ZBTB46: variants seen among roughly 807,000 people sequenced by gnomAD.
ZBTB46 encodes the protein zinc finger and BTB domain containing 46.
In ZBTB46, 8 loss-of-function variants were observed where a neutral mutation model predicts 44.1. The ratio of observed to expected loss-of-function variants is 0.18; its 90% CI spans 0.11 to 0.33. ZBTB46 has a LOEUF of 0.33. Among genes scored for constraint, ZBTB46 ranks in the 10% least tolerant of loss-of-function variants. The pLI is 1.00. For missense variants in ZBTB46, 651 were observed against 847.7 expected (o/e 0.77, Z 2.88); for synonymous variants, 409 against 382.3 (o/e 1.07, Z -0.81).
intron 1 of ZBTB46, among the ~76,000 whole-genome samples, chr20:63,816,015 CAGTGGGCGCA>C (rs2092753394): frequency 1.5e-5 from 2 of 137,210 alleles, no homozygotes; most frequent in South Asian, 2.3e-4. Context: ...GGCACAGGTG[CAGTGGGCGCA>C]GGTGGGCACA....
At chr20:63,808,884 G>T (rs1298453071) in intron 1 of ZBTB46, among the ~76,000 whole-genome samples, 1 of 150,178 alleles carries the variant, frequency 6.7e-6, no homozygotes, top group Admixed American at 6.7e-5. Flanking sequence ...GGCTGAGGCA[G>T]GAGAATGGCG....
chr20:63,802,839 G>A (rs1417833131), intron 1 of ZBTB46, among the ~76,000 whole-genome samples: 1 of 147,004 alleles, frequency 6.8e-6, no homozygotes, highest in East Asian at 2.1e-4. Context: ...GAACCGCCGC[G>A]GCCGACGACC....
chr20:63,759,526 CTTTCA>C (rs926747786), intron 3 of ZBTB46, among the ~76,000 whole-genome samples: 1 of 152,098 alleles, frequency 6.6e-6, no homozygotes, highest in Non-Finnish European at 1.5e-5. Flanking sequence ...TGCCTGGCCC[CTTTCA>C]TTTATCACTG....
At chr20:63,825,494 G>A (rs1030636578) in intron 1 of ZBTB46, among the ~76,000 whole-genome samples, 2 of 145,352 alleles carry the variant, frequency 1.4e-5, no homozygotes, top group African/African-American at 5.1e-5. Flanking sequence ...TCCCCATGCT[G>A]CACAAACAGC....
chr20:63,793,912 C>T (rs2092580973), intron 1 of ZBTB46, among the ~76,000 whole-genome samples: 2 of 152,082 alleles, frequency 1.3e-5, no homozygotes, highest in Non-Finnish European at 2.9e-5. Context: ...TCAGGCCAGG[C>T]GCGGTGGCTC....
intron 4 of ZBTB46, among the ~76,000 whole-genome samples, chr20:63,749,560 T>C (rs1279792333): frequency 6.6e-6 from 1 of 152,188 alleles, no homozygotes; most frequent in Non-Finnish European, 1.5e-5. Context: ...ATGGTCTCGA[T>C]CTCCTGACCT....
intron 1 of ZBTB46, among the ~76,000 whole-genome samples, chr20:63,807,757 A>C (rs775055667): frequency 1.3e-5 from 2 of 152,268 alleles, no homozygotes; most frequent in Non-Finnish European, 2.9e-5. Flanking sequence ...AAAACAAGCG[A>C]AGCACCCGTC....
chr20:63,786,821 T>C (rs1267970015), intron 2 of ZBTB46, among the ~76,000 whole-genome samples: 3 of 152,170 alleles, frequency 2.0e-5, no homozygotes, highest in Admixed American at 2.0e-4. Flanking sequence ...CGGATAACTT[T>C]TGTATTAGAA....
In ZBTB46 at chr20:63,745,212, C is replaced by G. The variant is rs897209622; in HGVS notation, c.*1718G>C. The G allele has an allele frequency of 6.6e-5, 10 of 152,274 alleles. No individual in the cohort carries two copies. The highest frequency in any genetic ancestry group is 2.4e-4 in the African/African-American group (10 of 41,464). 9.4% of individuals were successfully genotyped at this position (152,274 alleles called of 1,614,324 possible). Reference sequence around the variant, plus strand: ...GCTTGGCCCGGCTCCTATCCCCACACTCCGTGTGCAGAAAAATCTTGGCCT... The same window carrying G: ...GCTTGGCCCGGCTCCTATCCCCACAGTCCGTGTGCAGAAAAATCTTGGCCT... On this transcript the variant is annotated 3_prime_UTR_variant, in exon 5 of 5. Transcript: ENST00000245663.
chr20:63,763,605 G>C (rs377117843), intron 3 of ZBTB46, among the ~76,000 whole-genome samples: 24 of 152,182 alleles, frequency 1.6e-4, no homozygotes, highest in African/African-American at 5.6e-4. Context: ...AGCACTAAGG[G>C]GAGGGAGCTA....
intron 1 of ZBTB46, chr20:63,791,057 C>G: frequency 2.7e-6 from 1 of 365,222 alleles, no homozygotes; most frequent in Admixed American, 4.3e-5. Flanking sequence ...TGAACAGAAT[C>G]CCACATACGG....
chr20:63,795,144 T>C (rs1263778396), intron 1 of ZBTB46, among the ~76,000 whole-genome samples: 2 of 152,250 alleles, frequency 1.3e-5, no homozygotes, highest in Non-Finnish European at 2.9e-5. Flanking sequence ...GCCTCAGCTT[T>C]TTCTGAGGCT....
intron 1 of ZBTB46, among the ~76,000 whole-genome samples, chr20:63,817,865 G>A (rs2092768988): frequency 6.6e-6 from 1 of 152,228 alleles, no homozygotes; most frequent in Non-Finnish European, 1.5e-5. Flanking sequence ...TGCAGCTGAA[G>A]AGGCAGGAGG....
At chr20:63,830,922 G>A (rs1600742810) in intron 1 of ZBTB46, among the ~76,000 whole-genome samples, 175 bp downstream of exon 1, 2 of 142,276 alleles carry the variant, frequency 1.4e-5, no homozygotes, top group South Asian at 2.2e-4. Flanking sequence ...CCGCAGCTGG[G>A]AGCGCCGATG....
rs2092658740 is a variant in ZBTB46, at chr20:63,802,961, C to T, written c.-33-12171G>A. ...CAGATGTCTGTTGTTTACGACGTTC[C>T]CTTTGTGGCCCTTTGACATGGCAGC... On this transcript the variant is annotated intron_variant, in intron 1 of 4. Transcript: ENST00000245663. Among the ~76,000 whole-genome samples the T allele has an allele frequency of 3.9e-5, 6 of 152,230 alleles. No homozygotes were observed. In the South Asian group the frequency reaches 1.2e-3, roughly 32 times the overall value.
At chr20:63,805,800 G>C in intron 1 of ZBTB46, among the ~76,000 whole-genome samples, 1 of 151,392 alleles carries the variant, frequency 6.6e-6, no homozygotes, top group East Asian at 2.0e-4. Context: ...CTGTCGCCCA[G>C]GCTGGAGGGC....
intron 1 of ZBTB46, among the ~76,000 whole-genome samples, chr20:63,830,302 C>G (rs117876589): frequency 0.015 from 2,297 of 152,262 alleles, 34 homozygotes; most frequent in Non-Finnish European, 0.02. Context: ...TTGTCAGACA[C>G]CGGCTCGCGC....
intron 1 of ZBTB46, among the ~76,000 whole-genome samples, chr20:63,827,213 C>T (rs993082091): frequency 6.6e-6 from 1 of 152,242 alleles, no homozygotes; most frequent in African/African-American, 2.4e-5. Context: ...ACCAACCTGG[C>T]CCAAAGTCTG....
rs2092468530 is a variant in ZBTB46 at position 63,781,313 on chromosome 20, C to T, written c.938-5351G>A. Among the ~76,000 whole-genome samples, 2 of 152,092 alleles carry T rather than the reference C, an allele frequency of 1.3e-5. 1 individual carries two copies. Among genetic ancestry groups the T allele is most frequent in the South Asian group, 4.1e-4 (2 of 4,822 alleles). ...AACAGACACTTCCCCAAGGAAGAGA[C>T]CCAGATGTGGAGCAGGTGCCCGATG... On this transcript the variant is annotated intron_variant, in intron 2 of 4. Coordinates refer to ENST00000245663, the MANE Select transcript of ZBTB46 (RefSeq NM_001369741.1).
Sources: allele counts gnomAD v4.1 joint callset (sites outside exome capture counted in the v4.1 genomes callset), GRCh38; gene constraint gnomAD v4.1.1; transcripts MANE v1.5; gene names NCBI Gene and HGNC (gene_info 2026-07-23, HGNC 2026-07-21).